The following PTPN4 variants were observed in gnomAD, a reference collection of about 807,000 sequenced individuals.
The protein encoded by PTPN4 is protein tyrosine phosphatase non-receptor type 4, also known as tyrosine-protein phosphatase non-receptor type 4.
A neutral mutation model predicts 135.5 loss-of-function variants in PTPN4; 49 were observed. The observed-to-expected ratio is 0.36, with a 90% confidence interval of 0.29 to 0.46. The LOEUF (loss-of-function observed/expected upper bound fraction) is 0.46. PTPN4 is among the 20% of genes least tolerant of loss of function. The probability of loss-of-function intolerance (pLI) is 1.00; values close to 1 mark genes in which losing one functional copy is unlikely to be tolerated. For missense variants in PTPN4, 860 were observed against 1,101.0 expected (o/e 0.78, Z 3.10); for synonymous variants, 333 against 369.9 (o/e 0.90, Z 1.14).
intron 1 of PTPN4, among the ~76,000 whole-genome samples, chr2:119,790,674 A>C (rs1032427703): frequency 6.6e-6 from 1 of 152,088 alleles, no homozygotes; most frequent in South Asian, 2.1e-4. Context: ...TATTTAGTCC[A>C]TTTACACTTA....
At chr2:119,768,180 G>A (rs1190626664) in intron 1 of PTPN4, among the ~76,000 whole-genome samples, 3 of 151,868 alleles carry the variant, frequency 2.0e-5, no homozygotes, top group Non-Finnish European at 4.4e-5. Flanking sequence ...ATTTCATTTT[G>A]TTGGTCAAAT....
At chr2:119,823,843 A>C (rs1178161076) in intron 2 of PTPN4, among the ~76,000 whole-genome samples, 1 of 152,232 alleles carries the variant, frequency 6.6e-6, no homozygotes, top group Admixed American at 6.5e-5. Context: ...CTAGCTTAGA[A>C]AAGACCCTTC....
Position 119,852,642 on chromosome 2 carries a change from C to T in PTPN4, c.139-9894C>T, listed in dbSNP as rs184478410. ...TTTGTCTATTTTTTGTTTTCAAATA[C>T]TTAGATTTCTGCTCTTTCCTGTATT... On this transcript the variant is annotated intron_variant, in intron 2 of 26. Transcript: ENST00000263708. 1.5e-3 allele frequency among the ~76,000 whole-genome samples: 232 copies of T among 152,122 alleles called. 1 individual carries two copies. The highest frequency in any genetic ancestry group is 5.3e-3 in the African/African-American group (222 of 41,510).
intron 10 of PTPN4, among the ~76,000 whole-genome samples, chr2:119,908,911 G>A (rs1678527885): frequency 6.6e-6 from 1 of 152,116 alleles, no homozygotes; most frequent in African/African-American, 2.4e-5. Flanking sequence ...TATCTTAGTG[G>A]TGTGGATACA....
intron 1 of PTPN4, among the ~76,000 whole-genome samples, chr2:119,770,933 G>A (rs1690721625): frequency 6.7e-6 from 1 of 149,866 alleles, no homozygotes; most frequent in Non-Finnish European, 1.5e-5. Flanking sequence ...AGGCTGGAGT[G>A]CAGTGGCGCA....
At chr2:119,762,025 C>T (rs1690516469) in intron 1 of PTPN4, among the ~76,000 whole-genome samples, 1 of 152,096 alleles carries the variant, frequency 6.6e-6, no homozygotes, top group African/African-American at 2.4e-5. Context: ...TAAAATGTCC[C>T]TAGTAACATT....
intron 2 of PTPN4, among the ~76,000 whole-genome samples, chr2:119,833,683 T>A (rs1242778685): frequency 6.6e-6 from 1 of 150,528 alleles, no homozygotes; most frequent in African/African-American, 2.4e-5. Context: ...TCGGACTAAT[T>A]TTTTTTTTTA....
chr2:119,938,806 G>T (rs767076100), intron 15 of PTPN4, among the ~76,000 whole-genome samples: 1 of 152,026 alleles, frequency 6.6e-6, no homozygotes, highest in Non-Finnish European at 1.5e-5. Flanking sequence ...TTATAAATTG[G>T]CTTCTGAGAA....
At chr2:119,959,652 G>A (rs560128572) in intron 22 of PTPN4, among the ~76,000 whole-genome samples, 1 of 152,204 alleles carries the variant, frequency 6.6e-6, no homozygotes, top group Non-Finnish European at 1.5e-5. Flanking sequence ...TTTTGAAAGG[G>A]TATTTAGTAC....
intron 3 of PTPN4, among the ~76,000 whole-genome samples, chr2:119,866,225 T>G (rs1677833056): frequency 6.6e-6 from 1 of 152,062 alleles, no homozygotes; most frequent in Non-Finnish European, 1.5e-5. Flanking sequence ...AGGCTTGAGA[T>G]TATATTATTC....
intron 12 of PTPN4, among the ~76,000 whole-genome samples, chr2:119,922,264 C>T (rs762111074): frequency 3.5e-4 from 52 of 150,332 alleles, no homozygotes; most frequent in Non-Finnish European, 7.2e-4. Context: ...GGGAGCAACA[C>T]CTGCCATTCA....
At chr2:119,795,125 C>G (rs879787026) in intron 1 of PTPN4, among the ~76,000 whole-genome samples, 2 of 152,180 alleles carry the variant, frequency 1.3e-5, no homozygotes, top group African/African-American at 4.8e-5. Flanking sequence ...TTGGTTGTCC[C>G]ATCATCTCTT....
chr2:119,972,139 T>C (rs1390025141), intron 26 of PTPN4, among the ~76,000 whole-genome samples: 3 of 149,984 alleles, frequency 2.0e-5, no homozygotes, highest in Non-Finnish European at 4.4e-5. Context: ...TGCATTTTCA[T>C]ATGAATTTTG....
At chr2:119,833,824 C>A (rs1452277421) in intron 2 of PTPN4, among the ~76,000 whole-genome samples, 10 of 152,186 alleles carry the variant, frequency 6.6e-5, no homozygotes, top group Non-Finnish European at 1.0e-4. Context: ...TTGTTCTCAT[C>A]TTGGGCTTAT....
chr2:119,801,962 G>A (rs375356572), intron 1 of PTPN4, among the ~76,000 whole-genome samples: 2 of 141,216 alleles, frequency 1.4e-5, no homozygotes, highest in South Asian at 2.3e-4. Flanking sequence ...GTGCAGTGGC[G>A]CAATCTTGGC....
At chr2:119,933,005 A>G (rs978719514) in intron 14 of PTPN4, among the ~76,000 whole-genome samples, 1 of 152,114 alleles carries the variant, frequency 6.6e-6, no homozygotes, top group African/African-American at 2.4e-5. Context: ...ATGGCCTAGG[A>G]AAAGGGGTTT....
At chr2:119,968,580 A>G (rs2105063610) in intron 26 of PTPN4, among the ~76,000 whole-genome samples, 1 of 152,192 alleles carries the variant, frequency 6.6e-6, no homozygotes, top group East Asian at 1.9e-4. Flanking sequence ...TCACGAGGTC[A>G]GGAGATCGAG....
chr2:119,822,653 G>A (rs1361669037), intron 2 of PTPN4, among the ~76,000 whole-genome samples: 2 of 152,014 alleles, frequency 1.3e-5, no homozygotes, highest in African/African-American at 2.4e-5. Context: ...CACCGCACCC[G>A]GCCTGTGTGT....
intron 19 of PTPN4, among the ~76,000 whole-genome samples, chr2:119,953,376 C>G (rs1006681375): frequency 1.3e-5 from 2 of 152,126 alleles, no homozygotes; most frequent in African/African-American, 4.8e-5. Context: ...AAAAAATCCT[C>G]TTTGTACCTC....
Sources: gnomAD v4.1 joint callset for allele counts (sites outside exome capture counted in the v4.1 genomes callset) on GRCh38, gnomAD v4.1.1 for gene constraint, MANE v1.5 for transcripts, NCBI Gene and HGNC (gene_info 2026-07-23, HGNC 2026-07-21) for gene names.